The following ANXA4 variants were observed in gnomAD, a reference collection of about 807,000 sequenced individuals.
ANXA4 encodes 35-beta calcimedin.
A neutral mutation model predicts 49.8 loss-of-function variants in ANXA4; 39 were observed. The observed-to-expected ratio is 0.78, with a 90% confidence interval of 0.61 to 1.02. ANXA4 has a LOEUF of 1.02. Ranked by LOEUF, ANXA4 falls within the 50% of genes least tolerant of loss-of-function variation. The pLI, the probability that ANXA4 is intolerant of heterozygous loss-of-function variation, is 0.00. For missense variants in ANXA4, 360 were observed against 410.1 expected, an observed-to-expected ratio of 0.88 and a Z score of 1.05; for synonymous variants, 134 against 152.5, an observed-to-expected ratio of 0.88 and a Z score of 0.89.
rs1676529667 is a variant in ANXA4 at position 69,657,038 on chromosome 2, AG to A, written n.766+3758del. ...TTGAGGTGGAGTCTCTCTGTCACCA[AG>A]GCTGGAGTACAGTGGCGCAATCTCA... On this transcript the variant is annotated intron_variant and non_coding_transcript_variant, in intron 2 of 3. Transcript: ENST00000418066. 4.0e-5 allele frequency among the ~76,000 whole-genome samples: 6 copies of A among 151,030 alleles called. No homozygotes were observed. In the South Asian group the frequency reaches 1.3e-3, roughly 32 times the overall value.
chr2:69,768,362 T>C (rs1291706764), intron 1 of ANXA4, among the ~76,000 whole-genome samples: 1 of 152,186 alleles, frequency 6.6e-6, no homozygotes, highest in Non-Finnish European at 1.5e-5. Context: ...TGGCAAAGCC[T>C]ACCTGTGGAG....
chr2:69,647,079 G>C (rs1265208183), intron 1 of ANXA4, among the ~76,000 whole-genome samples: 1 of 152,194 alleles, frequency 6.6e-6, no homozygotes, highest in African/African-American at 2.4e-5. Flanking sequence ...GCATGCATGT[G>C]CTGCCCCCCG....
chr2:69,728,590 A>G (rs996561629), intron 3 of ANXA4, among the ~76,000 whole-genome samples: 1 of 152,186 alleles, frequency 6.6e-6, no homozygotes, highest in Non-Finnish European at 1.5e-5. Context: ...TTTTCACATG[A>G]TATCCAACTG....
chr2:69,729,603 G>A (rs920642564), intron 3 of ANXA4, among the ~76,000 whole-genome samples: 4 of 152,170 alleles, frequency 2.6e-5, no homozygotes, highest in African/African-American at 9.7e-5. Context: ...CCACAACAAA[G>A]AAACATCCAG....
chr2:69,673,973 G>A (rs1367309684), intron 2 of ANXA4: 2 of 152,466 alleles, frequency 1.3e-5, no homozygotes, highest in Non-Finnish European at 2.9e-5. Flanking sequence ...GATAGGGAGA[G>A]TGGGTCCCGT....
chr2:69,657,248 C>T (rs976840830), intron 2 of ANXA4, among the ~76,000 whole-genome samples: 6 of 152,062 alleles, frequency 3.9e-5, no homozygotes, highest in Non-Finnish European at 7.4e-5. Context: ...CCACCTCGAC[C>T]TCCCAAAGTG....
chr2:69,667,312 A>T (rs926405288), intron 2 of ANXA4, among the ~76,000 whole-genome samples: 2 of 152,084 alleles, frequency 1.3e-5, no homozygotes, highest in Non-Finnish European at 2.9e-5. Context: ...CACACAGGTA[A>T]ACTGGCACGT....
Position 69,812,421 on chromosome 2 carries a change from A to G in ANXA4, c.478-232A>G, listed in dbSNP as rs532264481. Reference sequence around the variant, plus strand: ...GGGAAGCTTCTCCTGCTATTGGCAGAGGCACTCATGCAACGTTAGGGGCCA... The same window carrying G: ...GGGAAGCTTCTCCTGCTATTGGCAGGGGCACTCATGCAACGTTAGGGGCCA... On this transcript the variant is annotated intron_variant, in intron 7 of 12. Transcript: ENST00000394295. Among the ~76,000 whole-genome samples the G allele has an allele frequency of 1.7e-4, 26 of 152,264 alleles. No individual in the cohort carries two copies. The East Asian group carries it at 5.0e-3, about 29-fold the overall frequency.
At chr2:69,690,562 C>A (rs1677930562) in intron 2 of ANXA4, among the ~76,000 whole-genome samples, 1 of 152,088 alleles carries the variant, frequency 6.6e-6, no homozygotes, top group Non-Finnish European at 1.5e-5. Context: ...TACTTAGTGG[C>A]TCCACCCTGT....
In ANXA4 at chr2:69,687,266, G is replaced by A. The variant is rs571643540; in HGVS notation, n.767-33508G>A. On this transcript the variant is annotated intron_variant and non_coding_transcript_variant, in intron 2 of 3. Coordinates refer to the ANXA4 transcript ENST00000418066. ...TGCCTGTAATCCCAGCACTTTGGGA[G>A]GCCAACGTGGGCAGATCGCTTGAGC... Among the ~76,000 whole-genome samples the A allele has an allele frequency of 7.2e-5, 11 of 152,316 alleles. No individual in the cohort carries two copies. In the East Asian group the frequency reaches 1.9e-3, roughly 27 times the overall value.
upstream of ANXA4, among the ~76,000 whole-genome samples, chr2:69,741,798 A>T (rs1208746685): frequency 6.6e-6 from 1 of 152,058 alleles, no homozygotes; most frequent in Non-Finnish European, 1.5e-5. Flanking sequence ...GGGAAACGGG[A>T]CCCCAAGAAT....
At chr2:69,740,548 G>A (rs114524677), upstream of ANXA4, among the ~76,000 whole-genome samples, 726 of 152,054 alleles carry the variant, frequency 4.8e-3, 6 homozygotes, top group African/African-American at 0.016. Context: ...TGAACTCCTG[G>A]GTTTAGAGTG....
intron 2 of ANXA4, among the ~76,000 whole-genome samples, chr2:69,709,922 C>T (rs191480503): frequency 6.6e-6 from 1 of 151,782 alleles, no homozygotes; most frequent in Admixed American, 6.6e-5. Context: ...AACTTAAACA[C>T]CAGCCATAAT....
At chr2:69,653,438 C>G (rs12469261) in intron 2 of ANXA4, among the ~76,000 whole-genome samples, 10,747 of 152,210 alleles carry the variant, frequency 0.071, 1,124 homozygotes, top group East Asian at 0.37. Flanking sequence ...GGAACATATA[C>G]TCACCTCATC....
intron 1 of ANXA4, among the ~76,000 whole-genome samples, chr2:69,646,666 G>A (rs1009097224): frequency 6.6e-6 from 1 of 152,246 alleles, no homozygotes. Flanking sequence ...ACCTAAGGCT[G>A]TGTCAGGCAA....
intron 1 of ANXA4, among the ~76,000 whole-genome samples, chr2:69,766,620 C>T (rs1248800537): frequency 2.0e-5 from 3 of 152,196 alleles, no homozygotes; most frequent in African/African-American, 4.8e-5. Flanking sequence ...AAATTAGCAA[C>T]TAGGCCAGGA....
At chr2:69,654,034 C>T (rs892338927) in intron 2 of ANXA4, among the ~76,000 whole-genome samples, 2 of 152,058 alleles carry the variant, frequency 1.3e-5, no homozygotes, top group African/African-American at 4.8e-5. Flanking sequence ...GTATTTTATT[C>T]TCTTAGTAGC....
At position 69,776,523 on chromosome 2, in the gene ANXA4, G is replaced by A. The variant is rs185486139; in HGVS notation, c.-46-4997G>A. On this transcript the variant is annotated intron_variant, in intron 1 of 12. Transcript: ENST00000394295. ...CAGATGTGATGGGTGAGGGGGTGGG[G>A]TGGGGGTTCCCACATCAAGCATCAA... Among the ~76,000 whole-genome samples, 116 of 151,982 alleles carry A rather than the reference G, an allele frequency of 7.6e-4. No individual in the cohort carries two copies. In the Middle Eastern group the frequency reaches 0.014, roughly 18 times the overall value.
At chr2:69,724,268 GC>G (rs1193331018) in intron 3 of ANXA4, among the ~76,000 whole-genome samples, 1 of 152,234 alleles carries the variant, frequency 6.6e-6, no homozygotes, top group African/African-American at 2.4e-5. Context: ...CAAATGAGGT[GC>G]CAGGAGAAGG....
Sources: allele counts gnomAD v4.1 joint callset (sites outside exome capture counted in the v4.1 genomes callset), GRCh38; gene constraint gnomAD v4.1.1; transcripts MANE v1.5; gene names NCBI Gene and HGNC (gene_info 2026-07-23, HGNC 2026-07-21).